Variants in NECAB1 observed in about 807,000 individuals in gnomAD.
NECAB1 encodes N-terminal EF-hand calcium-binding protein 1.
NECAB1 carries 29 observed loss-of-function variants against 57.5 expected under a neutral mutation model. That is an observed-to-expected ratio of 0.50 (90% confidence interval 0.38 to 0.69). NECAB1 has a LOEUF of 0.69. NECAB1 is among the 30% of genes least tolerant of loss of function. The pLI is 0.00. For synonymous variants in NECAB1, 142 were observed against 147.7 expected, an observed-to-expected ratio of 0.96 and a Z score of 0.28; for missense variants, 372 against 413.8, an observed-to-expected ratio of 0.90 and a Z score of 0.88.
Position 90,951,097 on chromosome 8 carries a change from A to G in NECAB1, c.939-16A>G, listed in dbSNP as rs773517194. ...AAATAAAAATGCACAGCCTTAACCT[A>G]TAATTATTTATACAGCCACCTTCAG... On this transcript the variant is annotated splice_polypyrimidine_tract_variant and intron_variant, in intron 11 of 12. Transcript: ENST00000417640. The G allele has an allele frequency of 6.0e-6, 9 of 1,501,354 alleles. No individual in the cohort carries two copies. The highest frequency in any genetic ancestry group is 5.6e-5 in the African/African-American group (4 of 71,258). The allele number at this position is 1,501,354 out of a possible 1,614,324, so 93.0% of individuals were successfully genotyped here. A position where few individuals can be genotyped will look rare whatever the true frequency, so the allele number is the denominator to read the frequency against.
At chr8:90,842,386 A>G (rs1586051120) in intron 3 of NECAB1, among the ~76,000 whole-genome samples, 1 of 151,966 alleles carries the variant, frequency 6.6e-6, no homozygotes, top group South Asian at 2.1e-4. Context: ...GAAATTTTCC[A>G]TTGTTTCTCA....
In NECAB1 at chr8:90,955,502, T is replaced by C. The variant is rs1811015410; in HGVS notation, c.1046T>C (p.Leu349Pro). 1 of 1,555,488 alleles carries C rather than the reference T, an allele frequency of 6.4e-7. No homozygotes were observed. The highest frequency in any genetic ancestry group is 8.7e-7 in the Non-Finnish European group (1 of 1,147,980). Residue 349 changes from leucine (L) to proline (P), a missense_variant, in exon 13 of 13, where the codon CTG (leucine) becomes CCG (proline). By Grantham distance (98) the Leu-to-Pro change is moderately conservative (BLOSUM62 -3). Transcript: ENST00000417640. ...CTCTTTTCAGCTTCGTGGTGGATCC[T>C]GAACAACTAGATGTTCCTAGACATT... ...TMLVPASWWI[L>P]NN
chr8:90,944,368 T>C (rs1162910229), intron 10 of NECAB1, among the ~76,000 whole-genome samples: 1 of 152,140 alleles, frequency 6.6e-6, no homozygotes, highest in Non-Finnish European at 1.5e-5. Context: ...GAGGTTTTGT[T>C]TTAGTAGTTA....
At chr8:90,909,019 T>A (rs1393421144) in intron 5 of NECAB1, among the ~76,000 whole-genome samples, 1 of 152,180 alleles carries the variant, frequency 6.6e-6, no homozygotes. Context: ...CTTATGCTCA[T>A]GGTTTAGGCT....
At chr8:90,811,762 G>A (rs553251407) in intron 2 of NECAB1, among the ~76,000 whole-genome samples, 9 of 152,196 alleles carry the variant, frequency 5.9e-5, no homozygotes, top group East Asian at 3.9e-4. Context: ...TCAAGGTGGT[G>A]AGATAGTACC....
At chr8:90,927,327 C>T (rs1002920096) in intron 7 of NECAB1, among the ~76,000 whole-genome samples, 16 of 150,846 alleles carry the variant, frequency 1.1e-4, no homozygotes, top group Non-Finnish European at 2.1e-4. Context: ...ATTCTGATGA[C>T]ATCACTCTCC....
At chr8:90,924,395 G>C (rs1432895021) in intron 6 of NECAB1, among the ~76,000 whole-genome samples, 2 of 152,092 alleles carry the variant, frequency 1.3e-5, no homozygotes, top group African/African-American at 4.8e-5. Context: ...GGGGATCAGA[G>C]GTCATCCAAC....
intron 5 of NECAB1, among the ~76,000 whole-genome samples, chr8:90,906,885 A>ATATATGTATATATATATATATATATGTG (rs1554574061): frequency 2.5e-5 from 3 of 120,926 alleles, no homozygotes; most frequent in African/African-American, 1.1e-4. Context: ...ACATATATAT[A>ATATATGTATATATATATATATATATGTG]TATATATATA....
At chr8:90,948,617 G>A (rs1463559714) in intron 10 of NECAB1, among the ~76,000 whole-genome samples, 3 of 152,030 alleles carry the variant, frequency 2.0e-5, no homozygotes, top group Non-Finnish European at 4.4e-5. Flanking sequence ...TTTCTAATAT[G>A]AATATATTAT....
chr8:90,918,346 G>T (rs1810028146), intron 6 of NECAB1, among the ~76,000 whole-genome samples: 1 of 151,594 alleles, frequency 6.6e-6, no homozygotes, highest in African/African-American at 2.4e-5. Flanking sequence ...TTTAGTAGAT[G>T]GAGAAGACTT....
intron 2 of NECAB1, 77 bp from the exon 3 acceptor site, chr8:90,824,640 G>T: frequency 1.1e-6 from 1 of 911,144 alleles, no homozygotes. Flanking sequence ...AAGCGTTTGG[G>T]TGAAGTTTTA....
chr8:90,801,057 T>C (rs966591023), intron 1 of NECAB1, among the ~76,000 whole-genome samples: 1 of 152,238 alleles, frequency 6.6e-6, no homozygotes, highest in African/African-American at 2.4e-5. Flanking sequence ...GTGGTTACTC[T>C]TTACCCATGA....
chr8:90,928,165 G>T (rs1810322752), intron 7 of NECAB1, 58 bp from the exon 8 acceptor site: 1 of 1,278,726 alleles, frequency 7.8e-7, no homozygotes, highest in Non-Finnish European at 1.1e-6. Context: ...ATATAACCAA[G>T]CATTTCTTCT....
At chr8:90,929,257 T>G (rs1810350153) in intron 8 of NECAB1, among the ~76,000 whole-genome samples, 1 of 152,158 alleles carries the variant, frequency 6.6e-6, no homozygotes, top group Non-Finnish European at 1.5e-5. Context: ...CACTGTGACC[T>G]GGGGTGCTCA....
rs754961278 is a variant in NECAB1, at chr8:90,892,754, T to C, written c.357+11624T>C. Among the ~76,000 whole-genome samples, 17 of 152,306 alleles carry C rather than the reference T, an allele frequency of 1.1e-4. 1 individual carries two copies. The East Asian group carries it at 2.7e-3, about 24-fold the overall frequency. On this transcript the variant is annotated intron_variant, in intron 5 of 12. Transcript: ENST00000417640. ...ACCGAAGTCATTATTTTTCATCCAG[T>C]GTTGTCTACAGACCATGCTCCATCC...
rs1340393316 is a variant in NECAB1, at chr8:90,956,756, T to A, written c.*1244T>A. 6.6e-6 allele frequency: 1 copy of A among 152,376 alleles called. No homozygotes were observed. The highest frequency in any genetic ancestry group is 1.5e-5 in the Non-Finnish European group (1 of 67,934). The allele number at this position is 152,376 out of a possible 1,614,324, so 9.4% of individuals were successfully genotyped here. On this transcript the variant is annotated 3_prime_UTR_variant, in exon 13 of 13. Coordinates refer to ENST00000417640, the MANE Select transcript of NECAB1 (RefSeq NM_022351.5). ...ACTCAGGAAAAAAGGAAGATTGAAC[T>A]AATAAAATTTTATTTCTTAAATATA... is the stretch of plus-strand genomic sequence containing the variant.
At chr8:90,814,573 ATATT>A (rs1363245216) in intron 2 of NECAB1, among the ~76,000 whole-genome samples, 4 of 152,102 alleles carry the variant, frequency 2.6e-5, no homozygotes, top group African/African-American at 9.7e-5. Context: ...GGACACATGG[ATATT>A]TATTGTATAC....
chr8:90,943,907 A>G (rs1810734995), intron 10 of NECAB1, among the ~76,000 whole-genome samples: 1 of 152,052 alleles, frequency 6.6e-6, no homozygotes, highest in South Asian at 2.1e-4. Context: ...ACATGCCACC[A>G]TATCTGGCTA....
intron 5 of NECAB1, among the ~76,000 whole-genome samples, chr8:90,912,231 T>C (rs573955251): frequency 1.3e-5 from 2 of 152,258 alleles, no homozygotes; most frequent in South Asian, 2.1e-4. Context: ...CAGAATGGGA[T>C]TGTCCTTTAG....
Sources: allele counts gnomAD v4.1 joint callset (sites outside exome capture counted in the v4.1 genomes callset), GRCh38; gene constraint gnomAD v4.1.1; transcripts MANE v1.5; gene names NCBI Gene and HGNC (gene_info 2026-07-23, HGNC 2026-07-21).